GRXCR1: variants seen among roughly 807,000 people sequenced by gnomAD.
GRXCR1 encodes the protein glutaredoxin and cysteine rich domain containing 1.
In GRXCR1, 27 loss-of-function variants were observed where a neutral mutation model predicts 27.3. The ratio of observed to expected loss-of-function variants is 0.99; its 90% CI spans 0.73 to 1.37. The LOEUF is 1.37. Ranked by LOEUF, GRXCR1 falls within the 40% of genes most tolerant of loss-of-function variation. GRXCR1 has a pLI of 0.00. For missense variants in GRXCR1, 379 were observed against 354.4 expected (o/e 1.07, Z -0.56); for synonymous variants, 122 against 131.1 (o/e 0.93, Z 0.47).
rs751742351 is a variant in GRXCR1 at position 42,962,850 on chromosome 4, A to G, written c.385-42A>G. 8 of 1,610,076 alleles carry G rather than the reference A, an allele frequency of 5.0e-6. No homozygotes were observed. In the South Asian group the frequency reaches 7.7e-5, roughly 15 times the overall value. On this transcript the variant is annotated intron_variant, in intron 1 of 3. Transcript: ENST00000399770. The stretch of plus-strand genomic sequence containing the variant: ...GTCTTAAAATCATAAGACACAAGAA[A>G]GTAAAAGCAAACATTCTTACAACTC...
chr4:42,902,683 G>A (rs930476074), intron 1 of GRXCR1, among the ~76,000 whole-genome samples: 2 of 152,142 alleles, frequency 1.3e-5, no homozygotes, highest in Non-Finnish European at 2.9e-5. Flanking sequence ...GGGCATTTCA[G>A]GGGTGGAGTG....
intron 2 of GRXCR1, among the ~76,000 whole-genome samples, chr4:42,970,953 G>A (rs182335141): frequency 1.2e-4 from 19 of 152,236 alleles, no homozygotes; most frequent in Admixed American, 1.2e-3. Flanking sequence ...GCATATGACT[G>A]TATGCTTTCA....
intron 2 of GRXCR1, among the ~76,000 whole-genome samples, chr4:42,986,041 T>A (rs1711714124): frequency 6.6e-6 from 1 of 152,214 alleles, no homozygotes; most frequent in South Asian, 2.1e-4. Flanking sequence ...AAATAGCTCC[T>A]GAGCCAAGTT....
intron 1 of GRXCR1, among the ~76,000 whole-genome samples, chr4:42,897,362 C>T (rs186485247): frequency 1.3e-5 from 2 of 151,992 alleles, no homozygotes; most frequent in Non-Finnish European, 2.9e-5. Context: ...ATTGTACTGT[C>T]ATTTCCATAA....
chr4:42,982,922 T>A (rs200926407), intron 2 of GRXCR1, among the ~76,000 whole-genome samples: 7,111 of 151,934 alleles, frequency 0.047, 212 homozygotes, highest in African/African-American at 0.078. Flanking sequence ...TTTTTGTAAA[T>A]TTGTTTGAGT....
At chr4:43,027,497 G>A (rs1274618197) in intron 3 of GRXCR1, among the ~76,000 whole-genome samples, 2 of 152,180 alleles carry the variant, frequency 1.3e-5, no homozygotes, top group African/African-American at 2.4e-5. Flanking sequence ...AAGTGATGTT[G>A]TAGGCCCATT....
At chr4:42,984,218 A>G (rs1288158322) in intron 2 of GRXCR1, among the ~76,000 whole-genome samples, 1 of 152,058 alleles carries the variant, frequency 6.6e-6, no homozygotes, top group Non-Finnish European at 1.5e-5. Context: ...ATTTTTCAAC[A>G]CCAGGGTTTC....
At chr4:42,937,248 T>TC (rs1325555334) in intron 1 of GRXCR1, among the ~76,000 whole-genome samples, 1 of 146,860 alleles carries the variant, frequency 6.8e-6, no homozygotes, top group Non-Finnish European at 1.5e-5. Flanking sequence ...GGCTCTTGAG[T>TC]CCCATTGACA....
At chr4:42,995,987 CAT>C (rs1224673300) in intron 2 of GRXCR1, among the ~76,000 whole-genome samples, 1 of 152,156 alleles carries the variant, frequency 6.6e-6, no homozygotes, top group East Asian at 1.9e-4. Flanking sequence ...CAAATATAAG[CAT>C]ATGAGTTTTC....
At chr4:42,919,634 A>G (rs1425398469) in intron 1 of GRXCR1, among the ~76,000 whole-genome samples, 1 of 152,098 alleles carries the variant, frequency 6.6e-6, no homozygotes, top group African/African-American at 2.4e-5. Flanking sequence ...AACTCAATTC[A>G]CCAGGCCATG....
chr4:43,016,310 T>C (rs1158414718), intron 2 of GRXCR1, among the ~76,000 whole-genome samples: 1 of 152,196 alleles, frequency 6.6e-6, no homozygotes, highest in Non-Finnish European at 1.5e-5. Context: ...GACATGTACA[T>C]ATAATAATAT....
At chr4:42,995,671 A>G (rs1023938630) in intron 2 of GRXCR1, among the ~76,000 whole-genome samples, 3 of 152,210 alleles carry the variant, frequency 2.0e-5, no homozygotes, top group African/African-American at 7.2e-5. Context: ...TTAGAAAGAA[A>G]AAGAAGTATA....
intron 1 of GRXCR1, among the ~76,000 whole-genome samples, chr4:42,935,249 A>G (rs567940615): frequency 1.3e-5 from 2 of 152,094 alleles, no homozygotes; most frequent in East Asian, 3.9e-4. Context: ...TAGCAAAGTT[A>G]GCAGTTTCCT....
rs140569247 is a variant in GRXCR1, at chr4:42,935,909, T to A, written c.385-26983T>A. Among the ~76,000 whole-genome samples, 12 of 152,042 alleles carry A rather than the reference T, an allele frequency of 7.9e-5. No homozygotes were observed. In the East Asian group the frequency reaches 1.8e-3, roughly 22 times the overall value. On this transcript the variant is annotated intron_variant, in intron 1 of 3. Coordinates refer to ENST00000399770, the MANE Select transcript of GRXCR1 (RefSeq NM_001080476.3). ...TTTACTCTGGGATGTTCCAGTCTTT[T>A]ACACTAAATAACACTGCTTTTTAAA...
At chr4:42,924,654 A>G (rs771476709) in intron 1 of GRXCR1, among the ~76,000 whole-genome samples, 1 of 152,098 alleles carries the variant, frequency 6.6e-6, no homozygotes, top group African/African-American at 2.4e-5. Flanking sequence ...GGTGCTGTGT[A>G]TACAGCAGAA....
intron 2 of GRXCR1, among the ~76,000 whole-genome samples, chr4:42,995,208 T>C (rs1225582866): frequency 6.6e-6 from 1 of 152,150 alleles, no homozygotes. Context: ...GTTCACTGTA[T>C]AAAGATTTTT....
At chr4:42,926,079 C>T (rs1221637292) in intron 1 of GRXCR1, among the ~76,000 whole-genome samples, 1 of 152,014 alleles carries the variant, frequency 6.6e-6, no homozygotes, top group Non-Finnish European at 1.5e-5. Flanking sequence ...AGATACTCGA[C>T]TAATATGTTT....
At chr4:42,921,786 T>C (rs571720929) in intron 1 of GRXCR1, among the ~76,000 whole-genome samples, 1 of 152,262 alleles carries the variant, frequency 6.6e-6, no homozygotes, top group East Asian at 1.9e-4. Flanking sequence ...ATTCGATCTT[T>C]TCTTTTCTCT....
chr4:42,945,043 C>T (rs770525159), intron 1 of GRXCR1, among the ~76,000 whole-genome samples: 3 of 152,086 alleles, frequency 2.0e-5, no homozygotes, highest in East Asian at 1.9e-4. Context: ...CACCTTCACT[C>T]TTCCTTTATG....
Sources: gnomAD v4.1 joint callset for allele counts (sites outside exome capture counted in the v4.1 genomes callset) on GRCh38, gnomAD v4.1.1 for gene constraint, MANE v1.5 for transcripts, NCBI Gene and HGNC (gene_info 2026-07-23, HGNC 2026-07-21) for gene names.